Variants in SLC13A1 observed in about 807,000 individuals in gnomAD.
SLC13A1 encodes the protein Na(+)/sulfate cotransporter.
A neutral mutation model predicts 70.0 loss-of-function variants in SLC13A1; 65 were observed. The observed-to-expected ratio is 0.93, with a 90% confidence interval of 0.76 to 1.14. SLC13A1 has a LOEUF of 1.14. Among genes scored for constraint, SLC13A1 ranks in the 50% most tolerant of loss-of-function variants. The probability of loss-of-function intolerance (pLI) is 0.00; values close to 1 mark genes in which losing one functional copy is unlikely to be tolerated. For missense variants in SLC13A1, 726 were observed against 717.8 expected (o/e 1.01, Z -0.13); for synonymous variants, 275 against 250.5 (o/e 1.10, Z -0.92).
Position 123,180,995 on chromosome 7 carries a change from A to G in SLC13A1, c.206T>C (p.Phe69Ser). The change falls in exon 2 of 15, where the codon TTT becomes TCT. Residue 69 changes from phenylalanine to serine, a missense_variant. Phe to Ser is a radical substitution (Grantham distance 155). Transcript: ENST00000194130. Reference sequence around the variant, plus strand: ...TACCTTCTTAGAAGGCATGATCCCAAACATGGGTAACATTAAACTAGGTAG... The same window carrying G: ...TACCTTCTTAGAAGGCATGATCCCAGACATGGGTAACATTAAACTAGGTAG... Reference protein sequence around the residue: ...ALLPSLMLPMFGIMPSKKVAS... With the variant: ...ALLPSLMLPMSGIMPSKKVAS... 1 of 1,612,366 alleles carries G rather than the reference A, an allele frequency of 6.2e-7. No individual in the cohort carries two copies. Among genetic ancestry groups the G allele is most frequent in the East Asian group, 2.2e-5 (1 of 44,844 alleles).
chr7:123,193,204 C>T (rs1796057475), intron 1 of SLC13A1, among the ~76,000 whole-genome samples: 1 of 152,120 alleles, frequency 6.6e-6, no homozygotes, highest in Non-Finnish European at 1.5e-5. Flanking sequence ...TCCTACACTT[C>T]ACATTAAGAG....
At chr7:123,165,049 T>G (rs1326029898) in intron 6 of SLC13A1, among the ~76,000 whole-genome samples, 1 of 152,074 alleles carries the variant, frequency 6.6e-6, no homozygotes, top group East Asian at 1.9e-4. Context: ...ATGAAGTAGA[T>G]ATACATTCTT....
At chr7:123,132,860 AT>A (rs34778093) in intron 8 of SLC13A1, among the ~76,000 whole-genome samples, 1 of 152,188 alleles carries the variant, frequency 6.6e-6, no homozygotes, top group South Asian at 2.1e-4. Flanking sequence ...TACAGGCTGC[AT>A]TTTAGATTTT....
At position 123,179,845 on chromosome 7, in the gene SLC13A1, C is replaced by T. The variant is rs138498126; in HGVS notation, c.228+1128G>A. On this transcript the variant is annotated intron_variant, in intron 2 of 14. Transcript: ENST00000194130. The stretch of plus-strand genomic sequence containing the variant: ...CACCTGTCTCTGGACACAGAACCAT[C>T]CAAGCCCATGGGACAAGGGTTAAAA... 8.3e-3 allele frequency among the ~76,000 whole-genome samples: 1,271 copies of T among 152,246 alleles called. 18 individuals carry two copies. Among genetic ancestry groups the T allele is most frequent in the African/African-American group, 0.028 (1,180 of 41,550 alleles).
chr7:123,123,407 T>C (rs1793453490), intron 11 of SLC13A1, among the ~76,000 whole-genome samples, 172 bp from the exon 12 acceptor site: 1 of 152,126 alleles, frequency 6.6e-6, no homozygotes, highest in South Asian at 2.1e-4. Context: ...AGGTGGAACA[T>C]TCTACTATAA....
At chr7:123,119,000 T>C (rs905569183) in intron 13 of SLC13A1, 81 bp downstream of exon 13, 2 of 1,310,296 alleles carry the variant, frequency 1.5e-6, no homozygotes, top group Admixed American at 4.2e-5. Context: ...AGAGATTCCA[T>C]ACCACAACAT....
chr7:123,169,099 T>C, intron 4 of SLC13A1, 49 bp downstream of exon 4: 1 of 1,544,904 alleles, frequency 6.5e-7, no homozygotes, highest in South Asian at 1.1e-5. Context: ...AGTTTATGTC[T>C]ATTGCTCTAA....
intron 7 of SLC13A1, among the ~76,000 whole-genome samples, chr7:123,139,306 T>C (rs1794054735): frequency 6.6e-6 from 1 of 152,136 alleles, no homozygotes; most frequent in Non-Finnish European, 1.5e-5. Flanking sequence ...CATGCTGTCT[T>C]GATTACTATA....
chr7:123,156,353 A>G (rs1794714207), intron 6 of SLC13A1, among the ~76,000 whole-genome samples: 1 of 152,140 alleles, frequency 6.6e-6, no homozygotes, highest in African/African-American at 2.4e-5. Context: ...TGCCATCTTA[A>G]TGGAAGATGC....
intron 10 of SLC13A1, among the ~76,000 whole-genome samples, 195 bp downstream of exon 10, chr7:123,128,650 G>T (rs1436949276): frequency 6.6e-6 from 1 of 152,064 alleles, no homozygotes; most frequent in African/African-American, 2.4e-5. Flanking sequence ...AAGTAATATG[G>T]TTATTCTTTC....
Position 123,123,219 on chromosome 7 carries a change from A to C in SLC13A1, c.1257T>G (p.Ser419=). 1 of 1,612,720 alleles carries C rather than the reference A, an allele frequency of 6.2e-7. No homozygotes were observed. Among genetic ancestry groups the C allele is most frequent in the Non-Finnish European group, 8.5e-7 (1 of 1,178,882 alleles). ...PTGEIVAFDY[S]PLITWKEFQS... ...GGAATTCTTTCCAAGTAATCAGTGG[A>C]GAGTAATCAAAAGCAACTGCAAAAC... The change falls in exon 12 of 15, where the codon TCT becomes TCG. Residue 419 remains serine (S), a synonymous_variant. Coordinates refer to ENST00000194130, the MANE Select transcript of SLC13A1 (RefSeq NM_022444.4).
At chr7:123,117,449 G>A (rs1793216280) in intron 14 of SLC13A1, 22 bp downstream of exon 14, 2 of 1,592,654 alleles carry the variant, frequency 1.3e-6, no homozygotes, top group African/African-American at 1.3e-5. Flanking sequence ...GGATTTGATA[G>A]TATTTTTTTC....
intron 6 of SLC13A1, among the ~76,000 whole-genome samples, chr7:123,163,728 A>G (rs1794985995): frequency 6.6e-6 from 1 of 152,064 alleles, no homozygotes; most frequent in Admixed American, 6.6e-5. Flanking sequence ...TGCTTGGTGT[A>G]GTTTATTTTT....
At chr7:123,160,058 C>T (rs145229935) in intron 6 of SLC13A1, among the ~76,000 whole-genome samples, 1,870 of 151,720 alleles carry the variant, frequency 0.012, 15 homozygotes, top group Non-Finnish European at 0.019. Context: ...CCGAGGTGGG[C>T]GAATTATGAG....
intron 12 of SLC13A1, among the ~76,000 whole-genome samples, chr7:123,119,952 A>T (rs1793319053): frequency 6.6e-6 from 1 of 151,976 alleles, no homozygotes; most frequent in Admixed American, 6.6e-5. Flanking sequence ...TAACTATCTC[A>T]TTATTTTGTT....
At chr7:123,143,109 C>T (rs1178467748) in intron 7 of SLC13A1, among the ~76,000 whole-genome samples, 1 of 152,190 alleles carries the variant, frequency 6.6e-6, no homozygotes, top group Non-Finnish European at 1.5e-5. Context: ...GTCCTCTCCA[C>T]TCTTCCCTCT....
intron 1 of SLC13A1, among the ~76,000 whole-genome samples, chr7:123,182,812 G>C (rs887766430): frequency 6.6e-6 from 1 of 152,006 alleles, no homozygotes; most frequent in Non-Finnish European, 1.5e-5. Context: ...ACCTGGCCCA[G>C]AATACTTCCA....
At chr7:123,132,618 C>A (rs557056247) in intron 8 of SLC13A1, among the ~76,000 whole-genome samples, 4 of 152,120 alleles carry the variant, frequency 2.6e-5, no homozygotes, top group Non-Finnish European at 5.9e-5. Context: ...GAGATCCACT[C>A]CCCTGGCCTC....
intron 1 of SLC13A1, among the ~76,000 whole-genome samples, chr7:123,184,667 G>A (rs1034171945): frequency 2.6e-5 from 4 of 151,972 alleles, no homozygotes; most frequent in Admixed American, 2.6e-4. Context: ...GCAAGTGCAT[G>A]TGTGAGTGTG....
Sources: allele counts gnomAD v4.1 joint callset (sites outside exome capture counted in the v4.1 genomes callset), GRCh38; gene constraint gnomAD v4.1.1; transcripts MANE v1.5; gene names NCBI Gene and HGNC (gene_info 2026-07-23, HGNC 2026-07-21).